Variants in MAPK8IP3 observed in about 807,000 individuals in gnomAD.
The protein encoded by MAPK8IP3 is mitogen-activated protein kinase 8 interacting protein 3, also known as C-Jun-amino-terminal kinase-interacting protein 3.
A neutral mutation model predicts 157.8 loss-of-function variants in MAPK8IP3; 49 were observed. That is an observed-to-expected ratio of 0.31 (90% CI 0.25 to 0.39). The LOEUF (loss-of-function observed/expected upper bound fraction) is 0.39. Ranked by LOEUF, MAPK8IP3 falls within the 10% of genes least tolerant of loss-of-function variation. The pLI is 1.00. For synonymous variants in MAPK8IP3, 897 were observed against 777.7 expected, an observed-to-expected ratio of 1.15 and a Z score of -2.55; for missense variants, 1,478 against 1,889.4, an observed-to-expected ratio of 0.78 and a Z score of 4.04.
At position 1,742,418 on chromosome 16, in the gene MAPK8IP3, G is replaced by A. The variant is rs986258808; in HGVS notation, c.603-914G>A. Among the ~76,000 whole-genome samples, 4 of 152,190 alleles carry A rather than the reference G, an allele frequency of 2.6e-5. No homozygotes were observed. The highest frequency in any genetic ancestry group is 2.1e-4 in the South Asian group (1 of 4,836). On this transcript the variant is annotated intron_variant, in intron 4 of 31. Coordinates refer to ENST00000610761, the MANE Select transcript of MAPK8IP3 (RefSeq NM_001318852.2). The surrounding 1 kb of genome is among the most constrained non-coding windows in gnomAD (Gnocchi z 5.0). Reference sequence around the variant, plus strand: ...CCGAGGCCAGGCTGTCCCAGGGTCCGTCTTCAGGTTCGGGGCTCCCTGACA... The same window carrying A: ...CCGAGGCCAGGCTGTCCCAGGGTCCATCTTCAGGTTCGGGGCTCCCTGACA...
intron 8 of MAPK8IP3, among the ~76,000 whole-genome samples, chr16:1,750,273 C>T (rs1045330251): frequency 2.6e-5 from 4 of 151,912 alleles, no homozygotes; most frequent in South Asian, 2.1e-4. Flanking sequence ...AATGCAGTGG[C>T]GCCATCTTGG....
rs2040659216 is a variant in MAPK8IP3 at position 1,741,258 on chromosome 16, G to A, written c.603-2074G>A. On this transcript the variant is annotated intron_variant, in intron 4 of 31. Coordinates refer to ENST00000610761, the MANE Select transcript of MAPK8IP3 (RefSeq NM_001318852.2). The surrounding 1 kb of genome is among the most constrained non-coding windows in gnomAD (Gnocchi z 6.9). The stretch of plus-strand genomic sequence containing the variant: ...CATCTGCATCCCCTGAGGGAGCTGC[G>A]AGGACAAATCGGGAGGACGGGGTCA... 1.3e-5 allele frequency among the ~76,000 whole-genome samples: 2 copies of A among 152,204 alleles called. No individual in the cohort carries two copies. Among genetic ancestry groups the A allele is most frequent in the Non-Finnish European group, 1.5e-5 (1 of 68,028 alleles).
In MAPK8IP3 at chr16:1,741,191, G is replaced by T. The variant is rs546264554; in HGVS notation, c.603-2141G>T. Among the ~76,000 whole-genome samples, 1 of 152,310 alleles carries T rather than the reference G, an allele frequency of 6.6e-6. No individual in the cohort carries two copies. Among genetic ancestry groups the T allele is most frequent in the South Asian group, 2.1e-4 (1 of 4,824 alleles). Reference sequence around the variant, plus strand: ...CCCCAAGGGCAGCGTGACCCCCGAGGGTGGCGTGACCCCTGGGGGTGGTGG... The same window carrying T: ...CCCCAAGGGCAGCGTGACCCCCGAGTGTGGCGTGACCCCTGGGGGTGGTGG... On this transcript the variant is annotated intron_variant, in intron 4 of 31. Coordinates refer to ENST00000610761, the MANE Select transcript of MAPK8IP3 (RefSeq NM_001318852.2). This position sits in a 1 kb window ranked among gnomAD's most constrained non-coding sequence, Gnocchi z 6.9.
chr16:1,709,057 C>G (rs1254513047), intron 1 of MAPK8IP3, among the ~76,000 whole-genome samples: 1 of 152,202 alleles, frequency 6.6e-6, no homozygotes, highest in Non-Finnish European at 1.5e-5. Context: ...TCAGCAGAAG[C>G]TCCGTCCCCA....
In MAPK8IP3 at chr16:1,761,276, G is replaced by A. The variant is rs375726765; in HGVS notation, c.1510G>A (p.Asp504Asn). ...CCGTGAACCCAAAGAAGAGGCGGAG[G>A]ATGTAAGCAGCTATCTCTGTACAGA... ...ARREPKEEAE[D>N]VSSYLCTESD... Residue 504 changes from aspartate (D) to asparagine (N), a missense_variant, in exon 13 of 32, where the codon GAT becomes AAT. Physicochemically the swap from Asp to Asn is conservative, Grantham distance 23 (BLOSUM62 1). Around this residue, in one of 11 missense-constraint regions of MAPK8IP3, gnomAD observed 96 missense variants for 106.3 expected, o/e 0.90. Transcript: ENST00000610761. The A allele has an allele frequency of 2.5e-5, 41 of 1,613,718 alleles. No individual in the cohort carries two copies. In the Admixed American group the frequency reaches 4.2e-4, roughly 16 times the overall value.
At chr16:1,730,750 G>A (rs1017481667) in intron 4 of MAPK8IP3, among the ~76,000 whole-genome samples, 6 of 151,946 alleles carry the variant, frequency 3.9e-5, no homozygotes, top group Non-Finnish European at 7.4e-5. Flanking sequence ...GGCTGAGGCA[G>A]GAGAATCACT....
At chr16:1,728,208 C>T (rs983046650) in intron 2 of MAPK8IP3, among the ~76,000 whole-genome samples, 9 of 152,222 alleles carry the variant, frequency 5.9e-5, no homozygotes, top group Non-Finnish European at 8.8e-5. Context: ...CAGATCACGT[C>T]TGGGGCCAGA....
Position 1,761,234 on chromosome 16 carries a change from G to A in MAPK8IP3, c.1468G>A (p.Glu490Lys), listed in dbSNP as rs1461953149. The A allele has an allele frequency of 3.7e-6, 6 of 1,613,502 alleles. No individual in the cohort carries two copies. Among genetic ancestry groups the A allele is most frequent in the Non-Finnish European group, 5.1e-6 (6 of 1,179,984 alleles). The change falls in exon 13 of 32, where the codon GAG (glutamate) becomes AAG (lysine). Residue 490 changes from glutamate to lysine, a missense_variant. This residue lies in a region of MAPK8IP3 where 96 missense variants were observed against 106.3 expected (regional missense o/e 0.90). Transcript: ENST00000610761. ...LEEELKRVKS[E>K]AIIARREPKE... Reference sequence around the variant, plus strand: ...TTCCCCTTCCCACAGAGTGAAGTCCGAGGCCATCATCGCCCGCCGTGAACC... The same window carrying A: ...TTCCCCTTCCCACAGAGTGAAGTCCAAGGCCATCATCGCCCGCCGTGAACC...
chr16:1,729,822 A>G (rs1486990775), intron 4 of MAPK8IP3, among the ~76,000 whole-genome samples: 1 of 152,114 alleles, frequency 6.6e-6, no homozygotes, highest in East Asian at 1.9e-4. Context: ...TCGGTCCACA[A>G]TTCAGTCAGG....
chr16:1,766,233 C>T lies in MAPK8IP3; in HGVS notation c.2643C>T (p.Thr881=), dbSNP rs2042251745. 5 of 1,609,798 alleles carry T rather than the reference C, an allele frequency of 3.1e-6. No individual in the cohort carries two copies. In the East Asian group the frequency reaches 1.1e-4, roughly 36 times the overall value. Residue 881 remains threonine (T), a synonymous_variant, in exon 22 of 32, where the codon ACC becomes ACT. Transcript: ENST00000610761. ...VLDKGQGEVA[T]IANGKVNPSQ... is the part of the protein sequence containing the mutation. ...CTCCTAACACAGGGGAGGTGGCCAC[C>T]ATCGCCAACGGGAAGGTCAACCCGT... is the stretch of plus-strand genomic sequence containing the variant.
At chr16:1,759,901 G>A (rs749187044) in intron 10 of MAPK8IP3, 57 bp from the exon 11 acceptor site, 173 of 1,474,402 alleles carry the variant, frequency 1.2e-4, no homozygotes, top group Admixed American at 2.5e-4. Flanking sequence ...CAGGTGCGGC[G>A]GCATCAGTGA....
chr16:1,711,856 C>T (rs1596535062), intron 1 of MAPK8IP3, among the ~76,000 whole-genome samples: 1 of 150,636 alleles, frequency 6.6e-6, no homozygotes, highest in East Asian at 2.0e-4. Flanking sequence ...AGGAGAATCG[C>T]TTGAACACAG....
intron 25 of MAPK8IP3, 49 bp downstream of exon 25, chr16:1,767,020 C>T (rs756893479): frequency 2.6e-6 from 4 of 1,567,128 alleles, no homozygotes; most frequent in Non-Finnish European, 3.5e-6. Flanking sequence ...ATGGCCCTGG[C>T]ATTGTTTAGC....
In MAPK8IP3 at chr16:1,742,924, C is replaced by T. The variant is rs550175420; in HGVS notation, c.603-408C>T. On this transcript the variant is annotated intron_variant, in intron 4 of 31. Transcript: ENST00000610761. This position sits in a 1 kb window ranked among gnomAD's most constrained non-coding sequence, Gnocchi z 5.0. ...GATCATCAGGTCAGGAGATCGAGAC[C>T]ATCCTGGCTAACACGGTGAAACCCC... Among the ~76,000 whole-genome samples the T allele has an allele frequency of 9.9e-5, 15 of 152,080 alleles. No individual in the cohort carries two copies. Among genetic ancestry groups the T allele is most frequent in the African/African-American group, 3.4e-4 (14 of 41,478 alleles).
chr16:1,760,558 T>G, intron 12 of MAPK8IP3, 26 bp downstream of exon 12: 1 of 1,599,868 alleles, frequency 6.3e-7, no homozygotes, highest in Non-Finnish European at 8.5e-7. Context: ...GGAAAGCTGG[T>G]CAGAGAGGGA....
Position 1,764,141 on chromosome 16 carries a change from C to T in MAPK8IP3, c.2052C>T (p.Asp684=). 6.2e-7 allele frequency: 1 copy of T among 1,611,218 alleles called. No individual in the cohort carries two copies. The highest frequency in any genetic ancestry group is 8.5e-7 in the Non-Finnish European group (1 of 1,179,364). Residue 684 remains aspartate, a synonymous_variant, in exon 18 of 32, where the codon GAC becomes GAT. Coordinates refer to ENST00000610761, the MANE Select transcript of MAPK8IP3 (RefSeq NM_001318852.2). ...TGAGTCCCAACGGGGGCCAGGAGGACACGCGGATGAAGAACGTGCCGGTGC... is the reference window on the plus strand; with the variant it reads ...TGAGTCCCAACGGGGGCCAGGAGGATACGCGGATGAAGAACGTGCCGGTGC... ...KQLSPNGGQE[D]TRMKNVPVPV...
Position 1,729,216 on chromosome 16 carries a change from C to A in MAPK8IP3, c.510+8C>A. ...CACCAGCGGCACACAGAGGTGGGCG[C>A]CCAGAGGCAAGCGCGGAGACGAGGG... On this transcript the variant is annotated splice_region_variant and intron_variant, in intron 3 of 31. Transcript: ENST00000610761. 6.2e-7 allele frequency: 1 copy of A among 1,613,726 alleles called. No individual in the cohort carries two copies. Among genetic ancestry groups the A allele is most frequent in the Non-Finnish European group, 8.5e-7 (1 of 1,179,974 alleles).
chr16:1,727,803 G>A (rs781145092), intron 2 of MAPK8IP3, among the ~76,000 whole-genome samples: 3 of 152,306 alleles, frequency 2.0e-5, no homozygotes, highest in Admixed American at 6.5e-5. Flanking sequence ...AGCGTAGGCC[G>A]CCGCGGCCTC....
chr16:1,760,937 G>C (rs1316756126), intron 12 of MAPK8IP3, among the ~76,000 whole-genome samples: 1 of 152,196 alleles, frequency 6.6e-6, no homozygotes, highest in Non-Finnish European at 1.5e-5. Context: ...GTTTGCCAAA[G>C]CCAGGGCCCC....
Sources: gnomAD v4.1 joint callset for allele counts (sites outside exome capture counted in the v4.1 genomes callset) on GRCh38, gnomAD v4.1.1 for gene constraint, gnomAD v4.1.1 regional missense constraint, Gnocchi (gnomAD v3.1) non-coding constraint, MANE v1.5 for transcripts, NCBI Gene and HGNC (gene_info 2026-07-23, HGNC 2026-07-21) for gene names.